Variants in NPAS2 observed in about 807,000 individuals in gnomAD.
The protein encoded by NPAS2 is neuronal PAS domain-containing protein 2.
A neutral mutation model predicts 107.5 loss-of-function variants in NPAS2; 23 were observed. That is an observed-to-expected ratio of 0.21 (90% CI 0.15 to 0.30). NPAS2 has a LOEUF of 0.30. Among genes scored for constraint, NPAS2 ranks in the 10% least tolerant of loss-of-function variants. The pLI is 1.00. For missense variants in NPAS2, 756 were observed against 1,043.3 expected, an observed-to-expected ratio of 0.72 and a Z score of 3.79; for synonymous variants, 403 against 417.5, an observed-to-expected ratio of 0.97 and a Z score of 0.42.
chr2:100,920,394 A>G (rs774627951), intron 2 of NPAS2, among the ~76,000 whole-genome samples: 1 of 152,210 alleles, frequency 6.6e-6, no homozygotes, highest in African/African-American at 2.4e-5. Context: ...TCAAAACATC[A>G]CATTGTACCC....
intron 1 of NPAS2, among the ~76,000 whole-genome samples, chr2:100,827,444 A>G (rs1485127309): frequency 6.6e-6 from 1 of 152,122 alleles, no homozygotes. Flanking sequence ...ACCTGGGTAT[A>G]TTGCATGATA....
intron 1 of NPAS2, among the ~76,000 whole-genome samples, chr2:100,864,008 A>G (rs563860371): frequency 8.5e-5 from 13 of 152,348 alleles, no homozygotes; most frequent in South Asian, 2.1e-4. Context: ...AAATATTTCT[A>G]TCATATCGAG....
chr2:100,922,409 C>T (rs1339902498), intron 2 of NPAS2, among the ~76,000 whole-genome samples: 1 of 152,050 alleles, frequency 6.6e-6, no homozygotes, highest in East Asian at 1.9e-4. Context: ...TGGTGAAACC[C>T]TGTCTCTCCT....
intron 1 of NPAS2, among the ~76,000 whole-genome samples, chr2:100,896,294 A>G (rs1000281180): frequency 1.3e-5 from 2 of 152,164 alleles, no homozygotes; most frequent in Non-Finnish European, 2.9e-5. Context: ...TTTAAATCAG[A>G]CTGACTCTGA....
At chr2:100,890,826 C>T (rs1466629616) in intron 1 of NPAS2, among the ~76,000 whole-genome samples, 1 of 152,212 alleles carries the variant, frequency 6.6e-6, no homozygotes, top group Non-Finnish European at 1.5e-5. Flanking sequence ...GGGCCCCTTG[C>T]AGCCCGTGAG....
chr2:100,964,874 T>A lies in NPAS2; in HGVS notation c.731T>A (p.Val244Asp). ...TPQFLKEMCIVDEPLEEFTSR... is the reference protein window; with the variant it reads ...TPQFLKEMCIDDEPLEEFTSR... The stretch of plus-strand genomic sequence containing the variant: ...CTTCCAATACAGGAAATGTGCATAG[T>A]TGACGAACCTTTAGAGGAATTCACT... The change falls in exon 9 of 21, where the codon GTT (valine) becomes GAT (aspartate). Residue 244 changes from valine to aspartate, a missense_variant. Physicochemically the swap from Val to Asp is radical, Grantham distance 152. This residue lies in a region of NPAS2 where 84 missense variants were observed against 175.5 expected (regional missense o/e 0.48). Transcript: ENST00000335681. The A allele has an allele frequency of 6.3e-7, 1 of 1,578,120 alleles. No individual in the cohort carries two copies. Among genetic ancestry groups the A allele is most frequent in the Non-Finnish European group, 8.5e-7 (1 of 1,170,596 alleles).
upstream of NPAS2, among the ~76,000 whole-genome samples, chr2:100,819,968 G>T (rs1306562194): frequency 2.0e-5 from 3 of 151,790 alleles, no homozygotes; most frequent in African/African-American, 7.2e-5. This position sits in a 1 kb window ranked among gnomAD's most constrained non-coding sequence, Gnocchi z 5.8. Flanking sequence ...TGCGGCGCGC[G>T]CGGGGTGCTT....
intron 1 of NPAS2, among the ~76,000 whole-genome samples, chr2:100,900,942 G>A (rs970225130): frequency 3.3e-5 from 5 of 151,616 alleles, no homozygotes; most frequent in African/African-American, 7.3e-5. Context: ...TCCCCAGGCA[G>A]GTCTCAAACT....
chr2:100,865,011 A>C (rs984753136), intron 1 of NPAS2, among the ~76,000 whole-genome samples: 1 of 152,232 alleles, frequency 6.6e-6, no homozygotes, highest in Non-Finnish European at 1.5e-5. Context: ...GTCCAGCTTC[A>C]CAGAAGGCAA....
rs981788326 is a variant in NPAS2, at chr2:100,988,645, C to T, written c.1827+369C>T. On this transcript the variant is annotated intron_variant, in intron 17 of 20. Transcript: ENST00000335681. ...CCCAACACTCAACGTCCATGGTCCC[C>T]GCCATCTACTCTGGTTTTAACCATT... 352 of 328,712 alleles carry T rather than the reference C, an allele frequency of 1.1e-3. 4 individuals are homozygous for T. Among genetic ancestry groups the T allele is most frequent in the Middle Eastern group, 1.0e-3 (1 of 962 alleles). 20.4% of individuals were successfully genotyped at this position (328,712 alleles called of 1,614,324 possible). A position where few individuals can be genotyped will look rare whatever the true frequency, so the allele number is the denominator to read the frequency against.
chr2:100,980,760 C>T (rs556365866), intron 15 of NPAS2, among the ~76,000 whole-genome samples: 3 of 152,138 alleles, frequency 2.0e-5, no homozygotes, highest in Non-Finnish European at 2.9e-5. Context: ...CATGAGTCAC[C>T]GCCCCAGGCC....
In NPAS2 at chr2:100,932,765, G is replaced by T. The variant is rs1001351050; in HGVS notation, c.182-145G>T. The T allele has an allele frequency of 6.3e-5, 39 of 623,458 alleles. No homozygotes were observed. The Middle Eastern group carries it at 1.6e-3, about 25-fold the overall frequency. 38.6% of individuals were successfully genotyped at this position (623,458 alleles called of 1,614,324 possible). On this transcript the variant is annotated intron_variant, in intron 3 of 20. Coordinates refer to ENST00000335681, the MANE Select transcript of NPAS2 (RefSeq NM_002518.4). ...AAGCTCCCAGTCCTTGGAAATCAGG[G>T]TAACATATTTCCTTCTGCTGGCTTC... is the stretch of plus-strand genomic sequence containing the variant.
intron 1 of NPAS2, among the ~76,000 whole-genome samples, chr2:100,850,381 C>T (rs913942077): frequency 1.3e-5 from 2 of 152,164 alleles, no homozygotes; most frequent in African/African-American, 2.4e-5. Flanking sequence ...GATCCTTTCT[C>T]TTCTCTGGCA....
chr2:100,919,295 C>T (rs1683077380), intron 2 of NPAS2, among the ~76,000 whole-genome samples: 1 of 152,108 alleles, frequency 6.6e-6, no homozygotes, highest in East Asian at 1.9e-4. Context: ...GGTTGCATAC[C>T]TTTATACATG....
At chr2:100,829,830 A>G (rs2104355085) in intron 1 of NPAS2, among the ~76,000 whole-genome samples, 1 of 152,238 alleles carries the variant, frequency 6.6e-6, no homozygotes, top group East Asian at 1.9e-4. Context: ...AATGTTAATC[A>G]CCCTTCAGGC....
chr2:100,893,653 G>A (rs1681226624), intron 1 of NPAS2, among the ~76,000 whole-genome samples: 1 of 152,246 alleles, frequency 6.6e-6, no homozygotes, highest in African/African-American at 2.4e-5. Flanking sequence ...AAAAGACACT[G>A]AAGAGGAAAG....
Position 100,990,333 on chromosome 2 carries a change from C to T in NPAS2, c.1905C>T (p.Ser635=). 1.2e-6 allele frequency: 2 copies of T among 1,614,182 alleles called. No homozygotes were observed. Among genetic ancestry groups the T allele is most frequent in the Non-Finnish European group, 1.7e-6 (2 of 1,180,032 alleles). Residue 635 remains serine (S), a synonymous_variant, in exon 18 of 21, where the codon AGC becomes AGT. Transcript: ENST00000335681. ...GAAGCAGCCTAGTGTCCCCGTTCAGCAGCGCCACAGCTGCGCTCCCGCCAA... is the reference window on the plus strand; with the variant it reads ...GAAGCAGCCTAGTGTCCCCGTTCAGTAGCGCCACAGCTGCGCTCCCGCCAA... ...RSGSSLVSPF[S]SATAALPPSL...
chr2:100,915,747 G>A (rs774769007), intron 2 of NPAS2, among the ~76,000 whole-genome samples: 17 of 152,092 alleles, frequency 1.1e-4, no homozygotes, highest in African/African-American at 3.6e-4. Flanking sequence ...TCAAATGAAC[G>A]AAAACTTCCT....
Position 100,988,288 on chromosome 2 carries a change from C to G in NPAS2, c.1827+12C>G. 6.2e-7 allele frequency: 1 copy of G among 1,609,492 alleles called. No individual in the cohort carries two copies. The highest frequency in any genetic ancestry group is 8.5e-7 in the Non-Finnish European group (1 of 1,176,678). On this transcript the variant is annotated intron_variant, in intron 17 of 20. Coordinates refer to ENST00000335681, the MANE Select transcript of NPAS2 (RefSeq NM_002518.4). Reference sequence around the variant, plus strand: ...TGATATCAACCCAGGTAAATGTGCTCCTTGCCAGCTTCACTCCTTGCCTCT... The same window carrying G: ...TGATATCAACCCAGGTAAATGTGCTGCTTGCCAGCTTCACTCCTTGCCTCT...
Sources: allele counts gnomAD v4.1 joint callset (sites outside exome capture counted in the v4.1 genomes callset), GRCh38; gene constraint gnomAD v4.1.1; regional missense constraint gnomAD v4.1.1; non-coding constraint Gnocchi (gnomAD v3.1); transcripts MANE v1.5; gene names NCBI Gene and HGNC (gene_info 2026-07-23, HGNC 2026-07-21).